MANSC1: variants seen among roughly 807,000 people sequenced by gnomAD.
MANSC1 encodes MANSC domain containing 1.
MANSC1 carries 13 observed loss-of-function variants against 14.1 expected under a neutral mutation model. The observed-to-expected ratio is 0.92, with a 90% CI of 0.60 to 1.46. The LOEUF is 1.46. Ranked by LOEUF, MANSC1 falls within the 40% of genes most tolerant of loss-of-function variation. The probability of loss-of-function intolerance (pLI) is 0.00; values close to 1 mark genes in which losing one functional copy is unlikely to be tolerated. For synonymous variants in MANSC1, 227 were observed against 200.7 expected (o/e 1.13, Z -1.11); for missense variants, 486 against 511.4 (o/e 0.95, Z 0.48).
At chr12:12,333,249 G>A (rs1410626460) in intron 3 of MANSC1, among the ~76,000 whole-genome samples, 1 of 151,924 alleles carries the variant, frequency 6.6e-6, no homozygotes, top group East Asian at 1.9e-4. Flanking sequence ...ATTTTGCCAT[G>A]TTGCCCAGGC....
intron 3 of MANSC1, among the ~76,000 whole-genome samples, chr12:12,336,212 G>A (rs750280100): frequency 2.6e-5 from 4 of 152,108 alleles, no homozygotes; most frequent in Non-Finnish European, 4.4e-5. Context: ...CCTCCCCACC[G>A]TTTTGCATAT....
intron 3 of MANSC1, among the ~76,000 whole-genome samples, chr12:12,332,991 G>A (rs778527906): frequency 1.3e-5 from 2 of 151,818 alleles, no homozygotes; most frequent in African/African-American, 2.4e-5. Context: ...TCTGCTCTAG[G>A]ATATAGTATT....
At chr12:12,335,485 C>T (rs949846783) in intron 3 of MANSC1, among the ~76,000 whole-genome samples, 1 of 151,886 alleles carries the variant, frequency 6.6e-6, no homozygotes, top group Non-Finnish European at 1.5e-5. Context: ...GGATTACAGG[C>T]ACGCACCAGC....
chr12:12,332,416 C>T (rs549297830), intron 3 of MANSC1, among the ~76,000 whole-genome samples: 5 of 152,328 alleles, frequency 3.3e-5, no homozygotes, highest in South Asian at 2.1e-4. Flanking sequence ...GTCACTTATT[C>T]GTCCATCTAG....
chr12:12,342,578 TTTTTTG>T lies in MANSC1; in HGVS notation c.223+508_223+513del, dbSNP rs1173501259. 6.1e-3 allele frequency among the ~76,000 whole-genome samples: 591 copies of T among 96,716 alleles called. 7 individuals carry two copies. Among genetic ancestry groups the T allele is most frequent in the African/African-American group, 0.017 (450 of 26,184 alleles). 63.4% of individuals were successfully genotyped at this position (96,716 alleles called of 152,430 possible). A position where few individuals can be genotyped will look rare whatever the true frequency, so the allele number is the denominator to read the frequency against. On this transcript the variant is annotated intron_variant, in intron 2 of 3. Coordinates refer to ENST00000535902, the MANE Select transcript of MANSC1 (RefSeq NM_018050.4). ...GCTGTAGTTACCTAGTAGTCAGTGT[TTTTTTG>T]TTTTTTTTTTTTTTTTTTTTTTTTG...
At chr12:12,335,188 A>C (rs981547752) in intron 3 of MANSC1, among the ~76,000 whole-genome samples, 2 of 151,814 alleles carry the variant, frequency 1.3e-5, no homozygotes, top group Non-Finnish European at 2.9e-5. Context: ...AATAGCCCAT[A>C]TGTCCACTAC....
intron 1 of MANSC1, among the ~76,000 whole-genome samples, chr12:12,348,676 T>G (rs900431930): frequency 1.4e-5 from 2 of 147,694 alleles, no homozygotes; most frequent in African/African-American, 5.0e-5. Flanking sequence ...GAGTGAACAT[T>G]ATGTGAACTA....
At chr12:12,346,755 T>C (rs1440587804) in intron 1 of MANSC1, among the ~76,000 whole-genome samples, 1 of 152,204 alleles carries the variant, frequency 6.6e-6, no homozygotes, top group African/African-American at 2.4e-5. Context: ...ATGTAAAATA[T>C]AAAACCATAA....
chr12:12,338,284 T>C (rs1045274907), intron 3 of MANSC1, 136 bp downstream of exon 3: 4 of 712,742 alleles, frequency 5.6e-6, no homozygotes, highest in African/African-American at 5.6e-5. Flanking sequence ...ATAAATTGAA[T>C]TTCCAGTCAT....
intron 3 of MANSC1, among the ~76,000 whole-genome samples, chr12:12,333,092 G>C (rs1275852494): frequency 6.6e-6 from 1 of 151,458 alleles, no homozygotes; most frequent in African/African-American, 2.4e-5. Context: ...TGTCACCCAG[G>C]CTGGAGTGCA....
intron 3 of MANSC1, among the ~76,000 whole-genome samples, chr12:12,336,531 C>T (rs1376859625): frequency 1.3e-5 from 2 of 151,844 alleles, no homozygotes; most frequent in African/African-American, 2.4e-5. Context: ...CCTTGTTTTC[C>T]TATTTTTTTT....
intron 2 of MANSC1, 32 bp downstream of exon 2, chr12:12,343,060 G>A: frequency 6.6e-7 from 1 of 1,506,900 alleles, no homozygotes; most frequent in Non-Finnish European, 9.2e-7. Flanking sequence ...AAAACACATG[G>A]AACAAAGGAT....
intron 3 of MANSC1, among the ~76,000 whole-genome samples, chr12:12,333,044 A>AATATATATATATATAT (rs147386841): frequency 1.1e-3 from 170 of 148,438 alleles, no homozygotes; most frequent in South Asian, 9.8e-3. Context: ...TATATTTGAA[A>AATATATATATATATAT]ATATATATAT....
intron 1 of MANSC1, among the ~76,000 whole-genome samples, chr12:12,344,747 G>C (rs1283795740): frequency 6.7e-6 from 1 of 149,572 alleles, no homozygotes; most frequent in Non-Finnish European, 1.5e-5. Flanking sequence ...GATTACAGGT[G>C]TGAGCCACCA....
At position 12,327,795 on chromosome 12, in the gene MANSC1, A is replaced by C. The variant is rs1163136272; in HGVS notation, c.*2232T>G. 6 of 152,250 alleles carry C rather than the reference A, an allele frequency of 3.9e-5. No homozygotes were observed. Among genetic ancestry groups the C allele is most frequent in the African/African-American group, 1.4e-4 (6 of 41,464 alleles). 9.4% of individuals were successfully genotyped at this position (152,250 alleles called of 1,614,324 possible). A position where few individuals can be genotyped will look rare whatever the true frequency, so the allele number is the denominator to read the frequency against. ...TTAAGTTGGAAAATATAAGAAAAGT[A>C]GTATTTTCAATAGACCAGCTTTCCT... On this transcript the variant is annotated 3_prime_UTR_variant, in exon 4 of 4. Transcript: ENST00000535902.
At chr12:12,347,042 G>C (rs925846993) in intron 1 of MANSC1, among the ~76,000 whole-genome samples, 1 of 151,934 alleles carries the variant, frequency 6.6e-6, no homozygotes, top group Non-Finnish European at 1.5e-5. Context: ...TCTCGCACCA[G>C]GGACCAGTTT....
intron 2 of MANSC1, 26 bp from the exon 3 acceptor site, chr12:12,338,586 G>C: frequency 6.2e-7 from 1 of 1,606,048 alleles, no homozygotes; most frequent in Non-Finnish European, 8.5e-7. Context: ...TCATAAGCAT[G>C]ATTTTGAAAT....
At chr12:12,340,272 T>G (rs1862917182) in intron 2 of MANSC1, among the ~76,000 whole-genome samples, 1 of 152,232 alleles carries the variant, frequency 6.6e-6, no homozygotes, top group Non-Finnish European at 1.5e-5. Flanking sequence ...ATAGGCTAAT[T>G]GTTAAAAACA....
chr12:12,331,842 G>T (rs893489648), intron 3 of MANSC1, among the ~76,000 whole-genome samples: 2 of 152,146 alleles, frequency 1.3e-5, no homozygotes, highest in Non-Finnish European at 1.5e-5. Flanking sequence ...AGAGGAGGGA[G>T]GCTATCTGGG....
Sources: allele counts gnomAD v4.1 joint callset (sites outside exome capture counted in the v4.1 genomes callset), GRCh38; gene constraint gnomAD v4.1.1; transcripts MANE v1.5; gene names NCBI Gene and HGNC (gene_info 2026-07-23, HGNC 2026-07-21).